Variants in ANO6 observed in about 807,000 individuals in gnomAD.
The protein encoded by ANO6 is anoctamin 6, also known as anoctamin-6.
In ANO6, 106 loss-of-function variants were observed where a neutral mutation model predicts 117.5. The ratio of observed to expected loss-of-function variants is 0.90; its 90% CI spans 0.77 to 1.06. ANO6 has a LOEUF of 1.06. Among genes scored for constraint, ANO6 ranks in the 50% least tolerant of loss-of-function variants. The pLI, the probability that ANO6 is intolerant of heterozygous loss-of-function variation, is 0.00. For synonymous variants in ANO6, 367 were observed against 385.1 expected, an observed-to-expected ratio of 0.95 and a Z score of 0.55; for missense variants, 955 against 1,121.1, an observed-to-expected ratio of 0.85 and a Z score of 2.12.
chr12:45,290,921 G>A (rs1218498268), intron 1 of ANO6, among the ~76,000 whole-genome samples: 5 of 152,096 alleles, frequency 3.3e-5, no homozygotes, highest in Admixed American at 3.3e-4. Context: ...AAAATAGTGT[G>A]GTCTTGGGTA....
intron 1 of ANO6, among the ~76,000 whole-genome samples, chr12:45,243,632 C>A (rs1216188799): frequency 6.6e-6 from 1 of 151,454 alleles, no homozygotes; most frequent in Non-Finnish European, 1.5e-5. Context: ...TCACTGCAAC[C>A]TCCGCCTCCT....
intron 3 of ANO6, among the ~76,000 whole-genome samples, chr12:45,342,218 C>T (rs1258325741): frequency 6.6e-6 from 1 of 152,108 alleles, no homozygotes; most frequent in African/African-American, 2.4e-5. Context: ...AAGAGAGAGT[C>T]CCTTGAAGGT....
At chr12:45,239,636 G>T (rs1229301403) in intron 1 of ANO6, among the ~76,000 whole-genome samples, 1 of 152,014 alleles carries the variant, frequency 6.6e-6, no homozygotes, top group African/African-American at 2.4e-5. Context: ...TAATTGTGAT[G>T]TTAGGGTGTC....
rs1033655409 is a variant in ANO6, at chr12:45,348,071, G to A, written c.389G>A (p.Trp130Ter). The change falls in exon 5 of 20, where the codon TGG becomes TAG. Residue 130 changes from tryptophan to a stop codon, truncating the protein, a stop_gained. Transcript: ENST00000320560. LOFTEE classifies it high-confidence loss of function. ...GTATTTGTAAAAGTACACGCACCATGGGAGGTGTTATGTACGTATGCTGAG... is the reference window on the plus strand; with the variant it reads ...GTATTTGTAAAAGTACACGCACCATAGGAGGTGTTATGTACGTATGCTGAG... ...KLVFVKVHAPWEVLCTYAEIM... is the reference protein window; with the variant it reads ...KLVFVKVHAP 19 of 1,613,878 alleles carry A rather than the reference G, an allele frequency of 1.2e-5. No individual in the cohort carries two copies. The highest frequency in any genetic ancestry group is 1.6e-5 in the Non-Finnish European group (19 of 1,179,944).
chr12:45,377,522 A>C (rs1168248467), intron 9 of ANO6, among the ~76,000 whole-genome samples: 2 of 152,216 alleles, frequency 1.3e-5, no homozygotes, highest in African/African-American at 4.8e-5. Flanking sequence ...CATTGGGTTT[A>C]AGAAAACAGA....
At chr12:45,258,655 A>G (rs559085270) in intron 1 of ANO6, among the ~76,000 whole-genome samples, 1 of 152,216 alleles carries the variant, frequency 6.6e-6, no homozygotes, top group East Asian at 1.9e-4. Context: ...TCCCCCTGCC[A>G]ATAATGTCCC....
chr12:45,331,297 AGAATTT>A lies in ANO6; in HGVS notation c.154_159del (p.Glu52_Phe53del). 2 of 1,608,350 alleles carry A rather than the reference AGAATTT, an allele frequency of 1.2e-6. No homozygotes were observed. The highest frequency in any genetic ancestry group is 1.7e-6 in the Non-Finnish European group (2 of 1,176,892). ...ATTTGTTTTTCTGTTTTACACAGGAAGAATTTAATGGAAAACCTGACTCCCTCTTTT... is the reference window on the plus strand; with the variant it reads ...ATTTGTTTTTCTGTTTTACACAGGAAAATGGAAAACCTGACTCCCTCTTTT... On this transcript the variant is annotated inframe_deletion, in exon 3 of 20. Coordinates refer to ENST00000320560, the MANE Select transcript of ANO6 (RefSeq NM_001025356.3).
rs1047740350 is a variant in ANO6 at position 45,347,037 on chromosome 12, T to G, written c.295T>G (p.Tyr99Asp). The G allele has an allele frequency of 2.5e-6, 4 of 1,614,056 alleles. No individual in the cohort carries two copies. The highest frequency in any genetic ancestry group is 3.4e-6 in the Non-Finnish European group (4 of 1,179,960). The change falls in exon 4 of 20, where the codon TAC (tyrosine) becomes GAC (aspartate). Residue 99 changes from tyrosine to aspartate, a missense_variant. By Grantham distance (160) the Tyr-to-Asp change is radical. Transcript: ENST00000320560. ...NEKQRRKRQA[Y>D]ESNLICHGLQ... ...CTTTTGACAGAGGAAAAGACAAGCA[T>G]ACGAATCTAACCTTATCTGTCATGG...
chr12:45,275,064 G>T (rs796947209), intron 1 of ANO6, among the ~76,000 whole-genome samples: 17 of 151,888 alleles, frequency 1.1e-4, no homozygotes, highest in African/African-American at 4.1e-4. Flanking sequence ...TGATCCTGGT[G>T]CTCGATAAGT....
intron 7 of ANO6, among the ~76,000 whole-genome samples, chr12:45,354,077 C>CT (rs1941351440): frequency 2.0e-5 from 3 of 151,940 alleles, no homozygotes; most frequent in Non-Finnish European, 4.4e-5. Flanking sequence ...CTGAGAAGTA[C>CT]TTCCAGAGAA....
chr12:45,319,692 G>T (rs1940186691), intron 2 of ANO6, among the ~76,000 whole-genome samples: 1 of 152,176 alleles, frequency 6.6e-6, no homozygotes, highest in Admixed American at 6.5e-5. Flanking sequence ...AGAAGGAATG[G>T]TACCAGTTCC....
chr12:45,336,775 C>T (rs1358192171), intron 3 of ANO6, among the ~76,000 whole-genome samples: 1 of 151,798 alleles, frequency 6.6e-6, no homozygotes, highest in Non-Finnish European at 1.5e-5. Flanking sequence ...AGAGTATATT[C>T]CTACTTATAA....
intron 16 of ANO6, among the ~76,000 whole-genome samples, chr12:45,414,871 C>T (rs1239832781): frequency 1.3e-5 from 2 of 152,170 alleles, no homozygotes; most frequent in African/African-American, 4.8e-5. Context: ...TAAAGCAATC[C>T]TCCCACCTCA....
intron 1 of ANO6, among the ~76,000 whole-genome samples, chr12:45,291,781 A>T (rs1049673710): frequency 2.0e-5 from 3 of 148,212 alleles, no homozygotes; most frequent in Non-Finnish European, 3.0e-5. Context: ...GATGGCTACT[A>T]TTTTTTTTTT....
Position 45,439,821 on chromosome 12 carries a change from CCTCT to C in ANO6, c.2674_2677del (p.Leu892IlefsTer8), listed in dbSNP as rs1479577278. 2.6e-6 allele frequency: 4 copies of C among 1,546,384 alleles called. No homozygotes were observed. Among genetic ancestry groups the C allele is most frequent in the South Asian group, 2.4e-5 (2 of 83,280 alleles). ...AACTAACTTCTGACTTTATTGACTC[CCTCT>C]ATTATATATTTTCTATTTCAATAAT... On this transcript the variant is annotated frameshift_variant, in exon 20 of 20. Coordinates refer to the ANO6 transcript ENST00000425752. LOFTEE classifies it low-confidence loss of function (END_TRUNC).
At chr12:45,313,352 C>G (rs976458092) in intron 2 of ANO6, 2 of 151,956 alleles carry the variant, frequency 1.3e-5, no homozygotes, top group African/African-American at 4.8e-5. Context: ...ATGTAAAAAG[C>G]AGAAAGATCA....
At chr12:45,316,582 T>G (rs1327545357) in intron 2 of ANO6, among the ~76,000 whole-genome samples, 3 of 152,120 alleles carry the variant, frequency 2.0e-5, no homozygotes, top group African/African-American at 4.8e-5. Flanking sequence ...AACGACTTAG[T>G]CTATTGCCAC....
At chr12:45,301,856 A>AT (rs1330227211) in intron 1 of ANO6, among the ~76,000 whole-genome samples, 158 bp from the exon 2 acceptor site, 1 of 152,160 alleles carries the variant, frequency 6.6e-6, no homozygotes, top group Admixed American at 6.6e-5. Flanking sequence ...GCTGCTACAT[A>AT]TTTTTTAATA....
intron 1 of ANO6, among the ~76,000 whole-genome samples, chr12:45,260,664 A>C (rs1937996537): frequency 6.6e-6 from 1 of 152,238 alleles, no homozygotes; most frequent in Non-Finnish European, 1.5e-5. Flanking sequence ...AGGGATTCAG[A>C]GGCCATCCAG....
Sources: gnomAD v4.1 joint callset for allele counts (sites outside exome capture counted in the v4.1 genomes callset) on GRCh38, gnomAD v4.1.1 for gene constraint, MANE v1.5 for transcripts, NCBI Gene and HGNC (gene_info 2026-07-23, HGNC 2026-07-21) for gene names.